Variants in PIKFYVE observed in about 807,000 individuals in gnomAD.
PIKFYVE encodes the protein phosphoinositide kinase, FYVE-type zinc finger containing.
PIKFYVE carries 122 observed loss-of-function variants against 257.9 expected under a neutral mutation model. The ratio of observed to expected loss-of-function variants is 0.47; its 90% CI spans 0.41 to 0.55. PIKFYVE has a LOEUF of 0.55. Among genes scored for constraint, PIKFYVE ranks in the 20% least tolerant of loss-of-function variants. The pLI is 0.00. For synonymous variants in PIKFYVE, 892 were observed against 868.9 expected, an observed-to-expected ratio of 1.03 and a Z score of -0.47; for missense variants, 2,160 against 2,536.6, an observed-to-expected ratio of 0.85 and a Z score of 3.19.
In PIKFYVE at chr2:208,355,253, AG is replaced by A; in HGVS notation, c.6246del (p.Lys2082AsnfsTer4). 6.2e-7 allele frequency: 1 copy of A among 1,614,120 alleles called. No homozygotes were observed. The highest frequency in any genetic ancestry group is 8.5e-7 in the Non-Finnish European group (1 of 1,179,928). ...ACTAGGTTTTGTGAGGCAATGGACA[AG>A]TATTTCCTAATGGTACCAGACCACT... ...YRTRFCEAMDKYFLMVPDHWT... is the reference protein window; with the variant it reads ...YRTRFCEAMDXYFLMVPDHWT... On this transcript the variant is annotated frameshift_variant, in exon 42 of 42. Coordinates refer to ENST00000264380, the MANE Select transcript of PIKFYVE (RefSeq NM_015040.4). LOFTEE classifies it high-confidence loss of function.
intron 1 of PIKFYVE, among the ~76,000 whole-genome samples, chr2:208,268,423 CTTTTTTTT>C (rs35632672): frequency 8.9e-5 from 7 of 78,696 alleles, no homozygotes; most frequent in East Asian, 4.3e-4. Flanking sequence ...CTCCAGAGCT[CTTTTTTTT>C]TTTTTTTTTT....
intron 24 of PIKFYVE, chr2:208,334,479 C>T (rs930415875): frequency 3.3e-5 from 5 of 153,092 alleles, no homozygotes; most frequent in African/African-American, 1.2e-4. Context: ...CCACTGGCCT[C>T]CTGACTGGGC....
At chr2:208,339,178 TCAG>T (rs1456767394) in intron 29 of PIKFYVE, among the ~76,000 whole-genome samples, 1 of 152,128 alleles carries the variant, frequency 6.6e-6, no homozygotes, top group Non-Finnish European at 1.5e-5. Context: ...TGGATAGGAG[TCAG>T]TCTTGGTTGA....
chr2:208,348,790 G>T (rs1355016611), intron 35 of PIKFYVE, among the ~76,000 whole-genome samples: 1 of 152,030 alleles, frequency 6.6e-6, no homozygotes, highest in African/African-American at 2.4e-5. Flanking sequence ...TGAGTAGTTG[G>T]AACTTTTTCA....
At chr2:208,315,609 A>G (rs1695415356) in intron 15 of PIKFYVE, among the ~76,000 whole-genome samples, 3 of 152,188 alleles carry the variant, frequency 2.0e-5, no homozygotes, top group South Asian at 2.1e-4. Flanking sequence ...GGGAACCCAA[A>G]CAGAGATAGG....
Position 208,358,039 on chromosome 2 carries a change from A to T in PIKFYVE, c.*2734A>T, listed in dbSNP as rs536348683. The stretch of plus-strand genomic sequence containing the variant: ...GCTGTTGCAAGCTCTTTTGTAGTCT[A>T]TTGAATATTTTATAGATATTCAAAA... On this transcript the variant is annotated 3_prime_UTR_variant, in exon 42 of 42. Coordinates refer to ENST00000264380, the MANE Select transcript of PIKFYVE (RefSeq NM_015040.4). 3 of 152,362 alleles carry T rather than the reference A, an allele frequency of 2.0e-5. No individual in the cohort carries two copies. The East Asian group carries it at 5.8e-4, about 29-fold the overall frequency. The allele number at this position is 152,362 out of a possible 1,614,324, so 9.4% of individuals were successfully genotyped here.
At chr2:208,330,272 C>A (rs1257501010) in intron 22 of PIKFYVE, among the ~76,000 whole-genome samples, 1 of 152,078 alleles carries the variant, frequency 6.6e-6, no homozygotes, top group Non-Finnish European at 1.5e-5. Flanking sequence ...TTACTAGTCC[C>A]CTTTATAGGG....
intron 10 of PIKFYVE, chr2:208,302,572 G>A: frequency 1.9e-6 from 1 of 523,498 alleles, no homozygotes; most frequent in East Asian, 3.6e-5. Flanking sequence ...AATTTGATCA[G>A]ACAATAAAAA....
chr2:208,347,834 T>C (rs1192596847), intron 34 of PIKFYVE, 25 bp from the exon 35 acceptor site: 2 of 1,587,130 alleles, frequency 1.3e-6, no homozygotes, highest in Admixed American at 1.8e-5. Context: ...GTACTTAAAA[T>C]TAATATGTTA....
chr2:208,269,183 A>G (rs1001483440), intron 1 of PIKFYVE, among the ~76,000 whole-genome samples: 1 of 152,176 alleles, frequency 6.6e-6, no homozygotes, highest in Non-Finnish European at 1.5e-5. Flanking sequence ...TCCTCTTTGT[A>G]AAGTGGAGAC....
chr2:208,354,528 T>C, intron 40 of PIKFYVE, 43 bp from the exon 41 acceptor site: 1 of 1,475,224 alleles, frequency 6.8e-7, no homozygotes, highest in Non-Finnish European at 9.5e-7. Context: ...ATTATATTTA[T>C]TAACATAGCT....
At position 208,350,837 on chromosome 2, in the gene PIKFYVE, G is replaced by C; in HGVS notation, c.5501G>C (p.Arg1834Pro). Residue 1834 changes from arginine to proline, a missense_variant, in exon 37 of 42, where the codon CGT becomes CCT. Around this residue, in one of 12 missense-constraint regions of PIKFYVE, gnomAD observed 699 missense variants for 855.8 expected, o/e 0.82. Transcript: ENST00000264380. ...LYYAGEFHKM[R>P]EVILDSSEED... ...TATGCGGGAGAGTTTCATAAGATGC[G>C]TGAAGTGATTCTGGACAGCAGTGAA... The C allele has an allele frequency of 6.2e-7, 1 of 1,614,120 alleles. No homozygotes were observed. Among genetic ancestry groups the C allele is most frequent in the South Asian group, 1.1e-5 (1 of 91,074 alleles).
intron 12 of PIKFYVE, among the ~76,000 whole-genome samples, chr2:208,310,191 G>A (rs561848387): frequency 2.0e-5 from 3 of 152,094 alleles, no homozygotes; most frequent in African/African-American, 4.8e-5. Context: ...TGGTAGTTAC[G>A]TGAAAAAATA....
At chr2:208,314,951 C>T (rs75904912) in intron 14 of PIKFYVE, among the ~76,000 whole-genome samples, 1,738 of 151,680 alleles carry the variant, frequency 0.011, 29 homozygotes, top group African/African-American at 0.04. Flanking sequence ...CCCCATTTTA[C>T]GTGTTAAAAT....
chr2:208,271,090 G>A (rs1349768372), intron 1 of PIKFYVE, among the ~76,000 whole-genome samples: 2 of 151,832 alleles, frequency 1.3e-5, no homozygotes, highest in South Asian at 4.2e-4. Flanking sequence ...GAATTTATGT[G>A]TGTGTTGTAT....
chr2:208,317,894 G>T lies in PIKFYVE; in HGVS notation c.2035G>T (p.Val679Leu). 1 of 1,613,924 alleles carries T rather than the reference G, an allele frequency of 6.2e-7. No individual in the cohort carries two copies. The highest frequency in any genetic ancestry group is 1.1e-5 in the South Asian group (1 of 91,074). The change falls in exon 16 of 42, where the codon GTG becomes TTG. Residue 679 changes from valine to leucine, a missense_variant. Coordinates refer to ENST00000264380, the MANE Select transcript of PIKFYVE (RefSeq NM_015040.4). Reference sequence around the variant, plus strand: ...CCCAGGTGGAAAGAAGTTTGATTCTGTGGTTGTCAATGGCTTTGTTTGTAC... The same window carrying T: ...CCCAGGTGGAAAGAAGTTTGATTCTTTGGTTGTCAATGGCTTTGTTTGTAC... ...KIPGGKKFDS[V>L]VVNGFVCTKN...
At chr2:208,315,881 AATT>A (rs1464931340) in intron 15 of PIKFYVE, among the ~76,000 whole-genome samples, 2 of 144,050 alleles carry the variant, frequency 1.4e-5, no homozygotes, top group Admixed American at 1.4e-4. Flanking sequence ...CTTTTTTTTT[AATT>A]ATTATTATAC....
intron 12 of PIKFYVE, among the ~76,000 whole-genome samples, chr2:208,305,943 C>A (rs1694266420): frequency 6.6e-6 from 1 of 152,116 alleles, no homozygotes; most frequent in Non-Finnish European, 1.5e-5. Flanking sequence ...GAATTGTCTC[C>A]TTACTTAGAT....
At chr2:208,310,102 A>G (rs1463505661) in intron 12 of PIKFYVE, among the ~76,000 whole-genome samples, 1 of 152,114 alleles carries the variant, frequency 6.6e-6, no homozygotes, top group African/African-American at 2.4e-5. Flanking sequence ...TTTCTTGTGA[A>G]GTTGAAGCGT....
Sources: allele counts gnomAD v4.1 joint callset (sites outside exome capture counted in the v4.1 genomes callset), GRCh38; gene constraint gnomAD v4.1.1; regional missense constraint gnomAD v4.1.1; transcripts MANE v1.5; gene names NCBI Gene and HGNC (gene_info 2026-07-23, HGNC 2026-07-21).